The following ADCY1 variants were observed in gnomAD, a reference collection of about 807,000 sequenced individuals.
ADCY1 encodes the protein adenylate cyclase type 1.
Under a neutral mutation model 105.4 loss-of-function variants are expected in ADCY1, and 28 were observed. The observed-to-expected ratio is 0.27, with a 90% CI of 0.20 to 0.36. The LOEUF (loss-of-function observed/expected upper bound fraction) is 0.36. Among genes scored for constraint, ADCY1 ranks in the 10% least tolerant of loss-of-function variants. The pLI is 1.00. For synonymous variants in ADCY1, 655 were observed against 623.8 expected, an observed-to-expected ratio of 1.05 and a Z score of -0.75; for missense variants, 977 against 1,434.2, an observed-to-expected ratio of 0.68 and a Z score of 5.15.
At chr7:45,583,709 C>G (rs187195174) in intron 1 of ADCY1, among the ~76,000 whole-genome samples, 5 of 151,526 alleles carry the variant, frequency 3.3e-5, no homozygotes, top group Non-Finnish European at 7.4e-5. Flanking sequence ...GGCGCTGTCT[C>G]GGCTCACCAC....
At chr7:45,663,557 A>C (rs1408990818) in intron 8 of ADCY1, among the ~76,000 whole-genome samples, 1 of 152,198 alleles carries the variant, frequency 6.6e-6, no homozygotes, top group African/African-American at 2.4e-5. Flanking sequence ...CGGTGGGCTC[A>C]TGCCTCTAAT....
At chr7:45,691,685 A>G (rs1584335212) in intron 14 of ADCY1, among the ~76,000 whole-genome samples, 1 of 152,246 alleles carries the variant, frequency 6.6e-6, no homozygotes, top group East Asian at 1.9e-4. Context: ...TTAGTATAGA[A>G]TGAAGTTAAA....
In ADCY1 at chr7:45,592,045, C is replaced by T. The variant is rs375041939; in HGVS notation, c.640-714C>T. Among the ~76,000 whole-genome samples, 6 of 149,892 alleles carry T rather than the reference C, an allele frequency of 4.0e-5. No homozygotes were observed. The East Asian group carries it at 9.8e-4, about 24-fold the overall frequency. On this transcript the variant is annotated intron_variant, in intron 1 of 19. Coordinates refer to ENST00000297323, the MANE Select transcript of ADCY1 (RefSeq NM_021116.4). ...CCCAAATCAACATCTGGGCTGTTTT[C>T]GTTTTTTGTTTTTTTTTTTTTGTGA...
intron 1 of ADCY1, among the ~76,000 whole-genome samples, chr7:45,584,852 TA>T (rs1792669767): frequency 6.6e-6 from 1 of 152,362 alleles, no homozygotes; most frequent in South Asian, 2.1e-4. Context: ...ATTATTGTGG[TA>T]AGCATGCAGC....
chr7:45,574,727 C>G lies in ADCY1; in HGVS notation c.184C>G (p.Leu62Val). Residue 62 changes from leucine (L) to valine (V), a missense_variant, in exon 1 of 20, where the codon CTG becomes GTG. By Grantham distance (32) the Leu-to-Val change is conservative. This residue lies in a region of ADCY1 where 209 missense variants were observed against 222.5 expected (regional missense o/e 0.94). Transcript: ENST00000297323. This position sits in a 1 kb window ranked among gnomAD's most constrained non-coding sequence, Gnocchi z 7.0. ...GCTGCGGCTGGAGCAGGCGGCCACG[C>G]TGAAGGCGCTGGCCGTTCTCAGCCT... ...YTLRLEQAAT[L>V]KALAVLSLLA... is the part of the protein sequence containing the mutation. 3 of 1,415,850 alleles carry G rather than the reference C, an allele frequency of 2.1e-6. No homozygotes were observed. Among genetic ancestry groups the G allele is most frequent in the Admixed American group, 6.6e-5 (2 of 30,082 alleles). The allele number at this position is 1,415,850 out of a possible 1,614,324, so 87.7% of individuals were successfully genotyped here. A position where few individuals can be genotyped will look rare whatever the true frequency, so the allele number is the denominator to read the frequency against.
At chr7:45,706,492 CAA>C (rs58794109) in intron 17 of ADCY1, among the ~76,000 whole-genome samples, 2 of 59,466 alleles carry the variant, frequency 3.4e-5, no homozygotes, top group South Asian at 1.1e-3. Flanking sequence ...ACATCACATG[CAA>C]AAAAAAAAAA....
chr7:45,703,619 A>G lies in ADCY1; in HGVS notation c.2591A>G (p.Tyr864Cys). 1.2e-6 allele frequency: 2 copies of G among 1,612,730 alleles called. No homozygotes were observed. Among genetic ancestry groups the G allele is most frequent in the Non-Finnish European group, 1.7e-6 (2 of 1,179,356 alleles). The change falls in exon 16 of 20, where the codon TAC becomes TGC. Residue 864 changes from tyrosine to cysteine, a missense_variant. Tyr to Cys is a radical substitution (Grantham distance 194). Around this residue, in one of 7 missense-constraint regions of ADCY1, gnomAD observed 152 missense variants for 293.7 expected, o/e 0.52. Transcript: ENST00000297323. The surrounding 1 kb of genome is among the most constrained non-coding windows in gnomAD (Gnocchi z 5.9). Reference protein sequence around the residue: ...PRNMDLYYQSYSQVGVMFASI... With the variant: ...PRNMDLYYQSCSQVGVMFASI... ...TTCCAGGACCTCTACTACCAGTCCT[A>G]CTCCCAGGTGGGCGTCATGTTTGCC...
In ADCY1 at chr7:45,574,735, G is replaced by A; in HGVS notation, c.192G>A (p.Ala64=). The change falls in exon 1 of 20, where the codon GCG becomes GCA. Residue 64 remains alanine, a synonymous_variant. Transcript: ENST00000297323. This position sits in a 1 kb window ranked among gnomAD's most constrained non-coding sequence, Gnocchi z 7.0. ...TGGAGCAGGCGGCCACGCTGAAGGC[G>A]CTGGCCGTTCTCAGCCTGCTGGCGG... ...LRLEQAATLK[A]LAVLSLLAGA... is the part of the protein sequence containing the mutation. 1 of 1,425,286 alleles carries A rather than the reference G, an allele frequency of 7.0e-7. No individual in the cohort carries two copies. 88.3% of individuals were successfully genotyped at this position (1,425,286 alleles called of 1,614,324 possible).
chr7:45,615,916 T>C (rs1487864710), intron 3 of ADCY1, among the ~76,000 whole-genome samples: 2 of 152,060 alleles, frequency 1.3e-5, no homozygotes, highest in African/African-American at 4.8e-5. Context: ...CAAGAGTTGC[T>C]TTGTGAAACA....
At chr7:45,654,108 C>T (rs1377494436) in intron 5 of ADCY1, among the ~76,000 whole-genome samples, 1 of 152,198 alleles carries the variant, frequency 6.6e-6, no homozygotes, top group Non-Finnish European at 1.5e-5. Context: ...GCAGCCGCTG[C>T]AAGTATTGAT....
Position 45,575,156 on chromosome 7 carries a change from G to T in ADCY1, c.613G>T (p.Ala205Ser). 2 of 1,607,258 alleles carry T rather than the reference G, an allele frequency of 1.2e-6. No homozygotes were observed. Among genetic ancestry groups the T allele is most frequent in the Non-Finnish European group, 1.7e-6 (2 of 1,177,270 alleles). The part of the protein sequence containing the change: ...HLLVTATLVP[A>S]KRPRLWRTLG... ...GCTGGTCACAGCCACCTTGGTCCCC[G>T]CCAAGCGCCCACGTCTCTGGAGGAC... Residue 205 changes from alanine to serine, a missense_variant, in exon 1 of 20, where the codon GCC becomes TCC. Coordinates refer to ENST00000297323, the MANE Select transcript of ADCY1 (RefSeq NM_021116.4). The surrounding 1 kb of genome is among the most constrained non-coding windows in gnomAD (Gnocchi z 4.7).
rs901164923 is a variant in ADCY1, at chr7:45,581,561, A to G, written c.639+6379A>G. Among the ~76,000 whole-genome samples, 3 of 152,056 alleles carry G rather than the reference A, an allele frequency of 2.0e-5. No homozygotes were observed. In the East Asian group the frequency reaches 5.8e-4, roughly 29 times the overall value. ...CATCATGCCAGGCTGACCCCTTTTCAGCCAGGTTTTTGAGCCCCAAGCAGC... is the reference window on the plus strand; with the variant it reads ...CATCATGCCAGGCTGACCCCTTTTCGGCCAGGTTTTTGAGCCCCAAGCAGC... On this transcript the variant is annotated intron_variant, in intron 1 of 19. Transcript: ENST00000297323.
Position 45,703,967 on chromosome 7 carries a change from G to T in ADCY1, c.2718+221G>T, listed in dbSNP as rs778090061. On this transcript the variant is annotated intron_variant, in intron 16 of 19. Coordinates refer to ENST00000297323, the MANE Select transcript of ADCY1 (RefSeq NM_021116.4). This position sits in a 1 kb window ranked among gnomAD's most constrained non-coding sequence, Gnocchi z 5.9. ...GGTTGGGGGACCAGGGCCACTGGGT[G>T]GGGCTGGGTGTTTGTTGTCCATGTT... is the stretch of plus-strand genomic sequence containing the variant. Among the ~76,000 whole-genome samples, 2 of 152,218 alleles carry T rather than the reference G, an allele frequency of 1.3e-5. No homozygotes were observed. Among genetic ancestry groups the T allele is most frequent in the Non-Finnish European group, 2.9e-5 (2 of 68,024 alleles).
intron 10 of ADCY1, 51 bp from the exon 11 acceptor site, chr7:45,679,658 G>C: frequency 1.3e-6 from 2 of 1,592,942 alleles, no homozygotes; most frequent in Non-Finnish European, 1.7e-6. Flanking sequence ...TCTTGGGTCC[G>C]CCTCTCCTAA....
chr7:45,588,224 C>G (rs1792787560), intron 1 of ADCY1, among the ~76,000 whole-genome samples: 2 of 152,092 alleles, frequency 1.3e-5, no homozygotes, highest in South Asian at 2.1e-4. Flanking sequence ...TTGATACACC[C>G]CCTCCCCATC....
intron 11 of ADCY1, among the ~76,000 whole-genome samples, chr7:45,680,078 C>T (rs376688219): frequency 4.6e-5 from 7 of 152,222 alleles, no homozygotes; most frequent in African/African-American, 1.4e-4. Flanking sequence ...AGAGTCTGCT[C>T]ATATAGCAGG....
chr7:45,676,569 C>G (rs1172417950), intron 8 of ADCY1, among the ~76,000 whole-genome samples: 1 of 152,200 alleles, frequency 6.6e-6, no homozygotes, highest in African/African-American at 2.4e-5. Flanking sequence ...TCCTCCATGA[C>G]AGCCTGGCAT....
intron 3 of ADCY1, among the ~76,000 whole-genome samples, chr7:45,619,452 T>C (rs1793830859): frequency 6.6e-6 from 1 of 152,200 alleles, no homozygotes; most frequent in Non-Finnish European, 1.5e-5. Flanking sequence ...GTTGTATACA[T>C]ATATTGAAGT....
At chr7:45,664,160 G>A (rs530403843) in intron 8 of ADCY1, 85 of 804,758 alleles carry the variant, frequency 1.1e-4, no homozygotes, top group South Asian at 5.1e-4. Flanking sequence ...AGGGTGGGGC[G>A]TTCCTGCTAA....
Sources: allele counts gnomAD v4.1 joint callset (sites outside exome capture counted in the v4.1 genomes callset), GRCh38; gene constraint gnomAD v4.1.1; regional missense constraint gnomAD v4.1.1; non-coding constraint Gnocchi (gnomAD v3.1); transcripts MANE v1.5; gene names NCBI Gene and HGNC (gene_info 2026-07-23, HGNC 2026-07-21).